Variants in BABAM2 observed in about 807,000 individuals in gnomAD.
BABAM2 encodes the protein BRISC and BRCA1-A complex member 2.
In BABAM2, 31 loss-of-function variants were observed where a neutral mutation model predicts 54.7. That is an observed-to-expected ratio of 0.57 (90% confidence interval 0.43 to 0.77). The LOEUF (loss-of-function observed/expected upper bound fraction) is 0.77. Among genes scored for constraint, BABAM2 ranks in the 30% least tolerant of loss-of-function variants. The pLI is 0.00. For synonymous variants in BABAM2, 167 were observed against 162.9 expected (o/e 1.03, Z -0.19); for missense variants, 364 against 455.8 (o/e 0.80, Z 1.83).
intron 6 of BABAM2, among the ~76,000 whole-genome samples, chr2:28,125,351 T>C (rs1186681552): frequency 1.3e-5 from 2 of 152,150 alleles, no homozygotes; most frequent in East Asian, 1.9e-4. Context: ...TGGAGTGCAG[T>C]GGCACCATCT....
At chr2:28,038,517 G>A (rs10175826) in intron 5 of BABAM2, among the ~76,000 whole-genome samples, 107,961 of 152,000 alleles carry the variant, frequency 0.71, 39,215 homozygotes, top group Middle Eastern at 0.84. Flanking sequence ...AAGTTTTTCA[G>A]CTCTTGTCCC....
chr2:28,117,854 CAT>C (rs1413353030), intron 6 of BABAM2, among the ~76,000 whole-genome samples: 7 of 152,172 alleles, frequency 4.6e-5, no homozygotes, highest in African/African-American at 2.4e-5. Flanking sequence ...AGCAATATCA[CAT>C]ATGTCCACTA....
At chr2:27,959,074 A>T (rs1248776044) in intron 3 of BABAM2, among the ~76,000 whole-genome samples, 1 of 152,354 alleles carries the variant, frequency 6.6e-6, no homozygotes, top group East Asian at 1.9e-4. Context: ...ATGAAGCTTT[A>T]GAGAGCTTTT....
intron 1 of BABAM2, among the ~76,000 whole-genome samples, chr2:27,893,342 C>G (rs1665016616): frequency 6.6e-6 from 1 of 152,122 alleles, no homozygotes; most frequent in African/African-American, 2.4e-5. Context: ...GACTTAGTGC[C>G]TTAAAGTCAA....
At chr2:28,298,951 G>A (rs1273415053) in intron 11 of BABAM2, among the ~76,000 whole-genome samples, 1 of 152,162 alleles carries the variant, frequency 6.6e-6, no homozygotes. Context: ...TGATGAAAAT[G>A]TTGGCAGCTA....
At chr2:27,987,894 CTAATG>C in intron 3 of BABAM2, 94 bp from the exon 4 acceptor site, 2 of 911,002 alleles carry the variant, frequency 2.2e-6, no homozygotes, top group Non-Finnish European at 3.3e-6. Flanking sequence ...TTTTCTTAAA[CTAATG>C]TAAATTTCTT....
chr2:28,115,686 G>C (rs1451899233), intron 6 of BABAM2, among the ~76,000 whole-genome samples: 6 of 151,868 alleles, frequency 4.0e-5, no homozygotes, highest in African/African-American at 1.4e-4. Flanking sequence ...GTCCAATTTG[G>C]AGATTTGGGG....
At chr2:28,093,985 C>G (rs1666383182) in intron 6 of BABAM2, among the ~76,000 whole-genome samples, 3 of 152,124 alleles carry the variant, frequency 2.0e-5, no homozygotes, top group Non-Finnish European at 2.9e-5. Context: ...CCAAATTGTT[C>G]TCTGTCCTGA....
intron 6 of BABAM2, among the ~76,000 whole-genome samples, chr2:28,104,193 G>T (rs1214986988): frequency 6.6e-6 from 1 of 152,136 alleles, no homozygotes; most frequent in Non-Finnish European, 1.5e-5. Flanking sequence ...TTGACAAATG[G>T]GATCTAATTA....
intron 11 of BABAM2, among the ~76,000 whole-genome samples, chr2:28,335,975 C>CA (rs1464762007): frequency 6.6e-6 from 1 of 152,054 alleles, no homozygotes; most frequent in Non-Finnish European, 1.5e-5. Context: ...CGCATGATCT[C>CA]AAAAAATGTG....
At chr2:28,238,171 G>A (rs1446574350) in intron 8 of BABAM2, among the ~76,000 whole-genome samples, 1 of 152,154 alleles carries the variant, frequency 6.6e-6, no homozygotes, top group African/African-American at 2.4e-5. Flanking sequence ...CTTATACTCA[G>A]TCAGATGATC....
At chr2:28,110,730 G>T (rs1667930918) in intron 6 of BABAM2, among the ~76,000 whole-genome samples, 1 of 152,082 alleles carries the variant, frequency 6.6e-6, no homozygotes, top group East Asian at 1.9e-4. Flanking sequence ...TTCAGAAGTG[G>T]TATTGCTGGA....
chr2:27,980,439 A>G (rs1671919919), intron 3 of BABAM2, among the ~76,000 whole-genome samples: 1 of 152,196 alleles, frequency 6.6e-6, no homozygotes, highest in African/African-American at 2.4e-5. Context: ...GGTGTCCAGT[A>G]TGCACATCTG....
chr2:28,283,195 T>C (rs1686524180), intron 10 of BABAM2, among the ~76,000 whole-genome samples: 1 of 152,128 alleles, frequency 6.6e-6, no homozygotes, highest in Non-Finnish European at 1.5e-5. Flanking sequence ...TGTACCTCAC[T>C]GGGCTTGGAA....
chr2:27,976,488 T>C lies in BABAM2; in HGVS notation c.206-11505T>C, dbSNP rs183703447. ...TACATACTGCATGATTCCATTTATA[T>C]GGCATTCTGGAAAAATGCAAAACTG... On this transcript the variant is annotated intron_variant, in intron 3 of 11. Coordinates refer to ENST00000379624, the MANE Select transcript of BABAM2 (RefSeq NM_199191.3). Among the ~76,000 whole-genome samples, 3 of 152,246 alleles carry C rather than the reference T, an allele frequency of 2.0e-5. No homozygotes were observed. In the East Asian group the frequency reaches 5.8e-4, roughly 29 times the overall value.
chr2:28,297,648 T>G (rs1687805244), intron 10 of BABAM2, among the ~76,000 whole-genome samples: 1 of 152,244 alleles, frequency 6.6e-6, no homozygotes, highest in Non-Finnish European at 1.5e-5. Flanking sequence ...TAGTACCTTA[T>G]GCGTTCCATT....
At chr2:28,120,314 T>C (rs1237485417) in intron 6 of BABAM2, among the ~76,000 whole-genome samples, 1 of 152,212 alleles carries the variant, frequency 6.6e-6, no homozygotes, top group African/African-American at 2.4e-5. Flanking sequence ...ATACAGTATT[T>C]AGAAACTAAA....
chr2:28,163,378 G>A (rs1573723303), intron 7 of BABAM2, among the ~76,000 whole-genome samples: 1 of 152,172 alleles, frequency 6.6e-6, no homozygotes, highest in East Asian at 1.9e-4. Flanking sequence ...GAGTAAGTCA[G>A]TAGCTGGCTA....
At chr2:28,316,797 A>C (rs1254172822) in intron 11 of BABAM2, among the ~76,000 whole-genome samples, 1 of 152,200 alleles carries the variant, frequency 6.6e-6, no homozygotes, top group African/African-American at 2.4e-5. Context: ...GATTCAGTGC[A>C]CTGTGCCCTG....
Sources: gnomAD v4.1 joint callset for allele counts (sites outside exome capture counted in the v4.1 genomes callset) on GRCh38, gnomAD v4.1.1 for gene constraint, MANE v1.5 for transcripts, NCBI Gene and HGNC (gene_info 2026-07-23, HGNC 2026-07-21) for gene names.